PTPRN2: variants seen among roughly 807,000 people sequenced by gnomAD.
PTPRN2 encodes protein tyrosine phosphatase receptor type N2.
PTPRN2 carries 74 observed loss-of-function variants against 118.8 expected under a neutral mutation model. The ratio of observed to expected loss-of-function variants is 0.62; its 90% CI spans 0.52 to 0.76. The LOEUF (loss-of-function observed/expected upper bound fraction) is 0.76. Ranked by LOEUF, PTPRN2 falls within the 30% of genes least tolerant of loss-of-function variation. The pLI is 0.00. For synonymous variants in PTPRN2, 641 were observed against 608.0 expected (o/e 1.05, Z -0.80); for missense variants, 1,481 against 1,394.4 (o/e 1.06, Z -0.99).
At chr7:157,542,771 A>G (rs1585005203) in intron 22 of PTPRN2, among the ~76,000 whole-genome samples, 1 of 152,166 alleles carries the variant, frequency 6.6e-6, no homozygotes, top group East Asian at 1.9e-4. Flanking sequence ...GAGAAGCTCC[A>G]CCGGGCGTGT....
intron 3 of PTPRN2, among the ~76,000 whole-genome samples, chr7:158,282,168 G>A (rs1799469931): frequency 7.1e-6 from 1 of 141,086 alleles, no homozygotes. Context: ...TGTCTCAGGA[G>A]TGGCTCTGCC....
Position 157,560,934 on chromosome 7 carries a change from G to A in PTPRN2, c.2902+7968C>T, listed in dbSNP as rs1161757334. Among the ~76,000 whole-genome samples the A allele has an allele frequency of 6.6e-6, 1 of 152,144 alleles. No homozygotes were observed. The highest frequency in any genetic ancestry group is 1.5e-5 in the Non-Finnish European group (1 of 68,012). Reference sequence around the variant, plus strand: ...TCCCCCTAAGTCTCATCTGCAGAAGGCTGAGCCTCATGCACCTGCACCTCC... The same window carrying A: ...TCCCCCTAAGTCTCATCTGCAGAAGACTGAGCCTCATGCACCTGCACCTCC... On this transcript the variant is annotated intron_variant, in intron 21 of 22. Transcript: ENST00000389418. This position sits in a 1 kb window ranked among gnomAD's most constrained non-coding sequence, Gnocchi z 6.7.
rs1187539049 is a variant in PTPRN2 at position 158,565,574 on chromosome 7, T to C, written c.112+21984A>G. ...CGGACGGCAAACTTCCCGTCTGGGA[T>C]CTGCAGGCTTCAACAACTGTCAAAG... On this transcript the variant is annotated intron_variant, in intron 1 of 22. Transcript: ENST00000389418. The surrounding 1 kb of genome is among the most constrained non-coding windows in gnomAD (Gnocchi z 4.6). Among the ~76,000 whole-genome samples, 1 of 152,198 alleles carries C rather than the reference T, an allele frequency of 6.6e-6. No homozygotes were observed. The highest frequency in any genetic ancestry group is 1.5e-5 in the Non-Finnish European group (1 of 68,040).
rs1800375320 is a variant in PTPRN2 at position 157,944,952 on chromosome 7, C to T, written c.1724-46215G>A. On this transcript the variant is annotated intron_variant, in intron 11 of 22. Coordinates refer to ENST00000389418, the MANE Select transcript of PTPRN2 (RefSeq NM_002847.5). The surrounding 1 kb of genome is among the most constrained non-coding windows in gnomAD (Gnocchi z 4.3). ...AGAGACTCTGAAATAAACACCGTGC[C>T]GAATGGAGCCTGTGCAGCTCCCAGT... 6.6e-6 allele frequency among the ~76,000 whole-genome samples: 1 copy of T among 152,172 alleles called. No individual in the cohort carries two copies. Among genetic ancestry groups the T allele is most frequent in the Non-Finnish European group, 1.5e-5 (1 of 68,028 alleles).
rs116467319 is a variant in PTPRN2, at chr7:158,140,024, G to A, written c.911-1509C>T. Among the ~76,000 whole-genome samples, 94 of 149,776 alleles carry A rather than the reference G, an allele frequency of 6.3e-4. 1 individual carries two copies. Among genetic ancestry groups the A allele is most frequent in the African/African-American group, 1.3e-3 (54 of 40,138 alleles). On this transcript the variant is annotated intron_variant, in intron 6 of 22. Coordinates refer to ENST00000389418, the MANE Select transcript of PTPRN2 (RefSeq NM_002847.5). ...CCACCACACAGAAGCCCAGAGCTGCGGGAGGAGCCAAAAAGCTCCTGAAAG... is the reference window on the plus strand; with the variant it reads ...CCACCACACAGAAGCCCAGAGCTGCAGGAGGAGCCAAAAAGCTCCTGAAAG...
intron 14 of PTPRN2, among the ~76,000 whole-genome samples, chr7:157,634,473 C>T (rs1174094810): frequency 6.6e-6 from 1 of 152,168 alleles, no homozygotes; most frequent in Non-Finnish European, 1.5e-5. Context: ...AATGTAAAGA[C>T]AACCGAATCA....
At chr7:158,071,645 C>G (rs201153615) in intron 11 of PTPRN2, among the ~76,000 whole-genome samples, 1 of 79,190 alleles carries the variant, frequency 1.3e-5, no homozygotes, top group African/African-American at 4.5e-5. Context: ...TGGAGATGCT[C>G]GTGGTGATGG....
At chr7:158,262,934 G>GCA (rs1170193530) in intron 3 of PTPRN2, among the ~76,000 whole-genome samples, 1 of 124,406 alleles carries the variant, frequency 8.0e-6, no homozygotes, top group African/African-American at 3.5e-5. Context: ...TTCACACACT[G>GCA]CACACACACA....
intron 5 of PTPRN2, among the ~76,000 whole-genome samples, chr7:158,188,803 G>A (rs927797399): frequency 2.2e-4 from 33 of 152,232 alleles, no homozygotes; most frequent in East Asian, 5.8e-4. Context: ...AGAGCACTCC[G>A]GGGCGTGTGT....
chr7:157,644,990 C>T (rs1024104168), intron 14 of PTPRN2, among the ~76,000 whole-genome samples: 11 of 152,346 alleles, frequency 7.2e-5, no homozygotes, highest in Admixed American at 6.5e-4. Flanking sequence ...CTTTCTCTTT[C>T]TCCTTGGTCT....
intron 1 of PTPRN2, among the ~76,000 whole-genome samples, chr7:158,498,953 A>T (rs552319701): frequency 1.3e-5 from 2 of 152,376 alleles, no homozygotes; most frequent in Admixed American, 6.5e-5. Context: ...ACCCTGCTGT[A>T]AACGTGAACT....
chr7:158,076,781 C>T (rs556658889), intron 11 of PTPRN2, among the ~76,000 whole-genome samples: 7 of 152,326 alleles, frequency 4.6e-5, no homozygotes, highest in African/African-American at 1.7e-4. Context: ...CTGCCCTCCC[C>T]GATGTGCCAT....
At chr7:158,497,599 C>T (rs1822046003) in intron 1 of PTPRN2, among the ~76,000 whole-genome samples, 1 of 152,210 alleles carries the variant, frequency 6.6e-6, no homozygotes, top group South Asian at 2.1e-4. Flanking sequence ...CTCAATGCCT[C>T]AGAGAGCAGG....
intron 1 of PTPRN2, among the ~76,000 whole-genome samples, chr7:158,587,297 TCA>T (rs1829015368): frequency 2.1e-5 from 1 of 47,956 alleles, no homozygotes; most frequent in African/African-American, 7.5e-5. Flanking sequence ...CCAGAACCTC[TCA>T]GAGGCGCCCC....
chr7:158,057,251 C>T (rs1312592288), intron 11 of PTPRN2, among the ~76,000 whole-genome samples: 1 of 152,200 alleles, frequency 6.6e-6, no homozygotes, highest in Non-Finnish European at 1.5e-5. Flanking sequence ...TCTCGGCAAC[C>T]ACAGAATGAA....
intron 3 of PTPRN2, among the ~76,000 whole-genome samples, chr7:158,278,842 A>C (rs1423901734): frequency 6.6e-6 from 1 of 152,108 alleles, no homozygotes; most frequent in African/African-American, 2.4e-5. Flanking sequence ...CATTCCTCCC[A>C]GTGGGTTCGT....
At chr7:157,669,098 G>A (rs1218614817) in intron 13 of PTPRN2, among the ~76,000 whole-genome samples, 2 of 152,130 alleles carry the variant, frequency 1.3e-5, no homozygotes, top group African/African-American at 2.4e-5. Flanking sequence ...GTCTCTGATC[G>A]GCACCGCTAC....
intron 12 of PTPRN2, among the ~76,000 whole-genome samples, chr7:157,757,084 G>C (rs758485997): frequency 2.6e-5 from 4 of 152,148 alleles, no homozygotes; most frequent in Non-Finnish European, 2.9e-5. Context: ...TATGCTATGC[G>C]GCTCACAAGA....
At chr7:157,951,916 G>A (rs965313606) in intron 11 of PTPRN2, among the ~76,000 whole-genome samples, 52 of 152,218 alleles carry the variant, frequency 3.4e-4, no homozygotes, top group Non-Finnish European at 6.3e-4. Flanking sequence ...GTCTGGCCTG[G>A]GCGCCCACTC....
Sources: gnomAD v4.1 joint callset for allele counts (sites outside exome capture counted in the v4.1 genomes callset) on GRCh38, gnomAD v4.1.1 for gene constraint, Gnocchi (gnomAD v3.1) non-coding constraint, MANE v1.5 for transcripts, NCBI Gene and HGNC (gene_info 2026-07-23, HGNC 2026-07-21) for gene names.